SGCZ: variants seen among roughly 807,000 people sequenced by gnomAD.
SGCZ encodes the protein sarcoglycan zeta.
Under a neutral mutation model 41.3 loss-of-function variants are expected in SGCZ, and 40 were observed. The observed-to-expected ratio is 0.97, with a 90% CI of 0.75 to 1.26. The LOEUF (loss-of-function observed/expected upper bound fraction) is 1.26. SGCZ is among the 50% of genes most tolerant of loss of function. The probability of loss-of-function intolerance (pLI) is 0.00; values close to 1 mark genes in which losing one functional copy is unlikely to be tolerated. For synonymous variants in SGCZ, 206 were observed against 137.5 expected, an observed-to-expected ratio of 1.50 and a Z score of -3.49; for missense variants, 552 against 369.8, an observed-to-expected ratio of 1.49 and a Z score of -4.04.
intron 3 of SGCZ, among the ~76,000 whole-genome samples, chr8:14,256,342 T>A (rs1444795676): frequency 2.0e-5 from 3 of 151,986 alleles, no homozygotes; most frequent in Non-Finnish European, 4.4e-5. Context: ...TGTCTCTTCC[T>A]CAGAAAAAGT....
chr8:14,386,192 T>A (rs2117204664), intron 2 of SGCZ, among the ~76,000 whole-genome samples: 1 of 152,030 alleles, frequency 6.6e-6, no homozygotes, highest in South Asian at 2.1e-4. Flanking sequence ...GAACATGGAG[T>A]CAAATCAACA....
At chr8:15,123,920 G>A (rs1350394817) in intron 1 of SGCZ, among the ~76,000 whole-genome samples, 7 of 151,638 alleles carry the variant, frequency 4.6e-5, no homozygotes. Flanking sequence ...AGTGCTGAAG[G>A]TAGTCTACAA....
At chr8:15,090,033 T>G (rs564939198) in intron 1 of SGCZ, among the ~76,000 whole-genome samples, 1 of 152,342 alleles carries the variant, frequency 6.6e-6, no homozygotes, top group Non-Finnish European at 1.5e-5. Context: ...TGTTTGAAAC[T>G]TTTGATATTA....
chr8:14,248,596 A>G (rs1415080838), intron 3 of SGCZ, among the ~76,000 whole-genome samples: 1 of 152,188 alleles, frequency 6.6e-6, no homozygotes, highest in African/African-American at 2.4e-5. Context: ...TAAGAAATTA[A>G]TCTTTATCAA....
At chr8:14,826,704 A>G (rs1471859979) in intron 1 of SGCZ, among the ~76,000 whole-genome samples, 7 of 152,150 alleles carry the variant, frequency 4.6e-5, no homozygotes, top group Admixed American at 1.3e-4. Flanking sequence ...GCATTTTTTC[A>G]TGTGTCTTTT....
At chr8:14,378,687 A>G (rs939350586) in intron 2 of SGCZ, among the ~76,000 whole-genome samples, 1 of 152,200 alleles carries the variant, frequency 6.6e-6, no homozygotes, top group African/African-American at 2.4e-5. Context: ...TGCGATTGGC[A>G]TCTGCAGTAG....
chr8:14,382,603 G>A (rs1804408953), intron 2 of SGCZ, among the ~76,000 whole-genome samples: 1 of 152,080 alleles, frequency 6.6e-6, no homozygotes, highest in Non-Finnish European at 1.5e-5. Flanking sequence ...TCATTATTGG[G>A]GACGTTCGAG....
At chr8:15,021,628 A>G (rs1236960696) in intron 1 of SGCZ, among the ~76,000 whole-genome samples, 3 of 152,142 alleles carry the variant, frequency 2.0e-5, no homozygotes, top group Admixed American at 6.5e-5. Context: ...GGAGAACACT[A>G]CTCACCCTGC....
chr8:14,117,442 G>GTGTC (rs56855331), intron 5 of SGCZ, among the ~76,000 whole-genome samples: 66 of 145,626 alleles, frequency 4.5e-4, no homozygotes, highest in African/African-American at 1.6e-3. Flanking sequence ...GTGTGTGTGT[G>GTGTC]AATGCAGAGT....
chr8:14,847,110 A>G (rs1368218708), intron 1 of SGCZ, among the ~76,000 whole-genome samples: 1 of 142,250 alleles, frequency 7.0e-6, no homozygotes, highest in Non-Finnish European at 1.5e-5. Flanking sequence ...AAGAAAGAAG[A>G]AAGAAGAAGA....
intron 5 of SGCZ, among the ~76,000 whole-genome samples, chr8:14,160,770 C>G (rs1804020254): frequency 1.3e-5 from 2 of 152,022 alleles, no homozygotes; most frequent in African/African-American, 4.8e-5. Flanking sequence ...AGGTAAATTC[C>G]TGCTGCTTTG....
chr8:14,128,587 A>G (rs1012172134), intron 5 of SGCZ, among the ~76,000 whole-genome samples: 3 of 152,184 alleles, frequency 2.0e-5, no homozygotes, highest in Non-Finnish European at 4.4e-5. Context: ...TTTATCAAAA[A>G]TACTTGTAAC....
chr8:14,548,477 G>C (rs1484994519), intron 2 of SGCZ, among the ~76,000 whole-genome samples: 1 of 152,010 alleles, frequency 6.6e-6, no homozygotes, highest in Non-Finnish European at 1.5e-5. Context: ...TTTAGTTGTG[G>C]GTTTTTGAGA....
intron 1 of SGCZ, among the ~76,000 whole-genome samples, chr8:14,638,800 A>T (rs778933209): frequency 2.0e-5 from 3 of 151,802 alleles, no homozygotes; most frequent in Non-Finnish European, 4.4e-5. Flanking sequence ...CCTCAGGTGC[A>T]CTACATTTTA....
intron 3 of SGCZ, among the ~76,000 whole-genome samples, chr8:14,320,769 G>A (rs1488739166): frequency 6.6e-6 from 1 of 152,052 alleles, no homozygotes; most frequent in Non-Finnish European, 1.5e-5. Flanking sequence ...AGTCTGTCAT[G>A]TAGGAAGCTG....
intron 1 of SGCZ, among the ~76,000 whole-genome samples, chr8:14,941,246 G>T (rs972199627): frequency 6.6e-6 from 1 of 152,000 alleles, no homozygotes; most frequent in African/African-American, 2.4e-5. Flanking sequence ...ATACCATTTA[G>T]GGGGAACTAT....
chr8:14,778,109 G>C (rs1372624356), intron 1 of SGCZ, among the ~76,000 whole-genome samples: 1 of 151,496 alleles, frequency 6.6e-6, no homozygotes. Flanking sequence ...TTTTGTTTTT[G>C]TAAAGATGAG....
chr8:14,471,527 G>C (rs776554043), intron 2 of SGCZ, among the ~76,000 whole-genome samples: 1 of 152,024 alleles, frequency 6.6e-6, no homozygotes, highest in Non-Finnish European at 1.5e-5. Context: ...GAGTTTCTCA[G>C]TGGAGACTGT....
chr8:14,900,335 A>G (rs1390928689), intron 1 of SGCZ, among the ~76,000 whole-genome samples: 4 of 152,140 alleles, frequency 2.6e-5, no homozygotes, highest in African/African-American at 7.2e-5. Flanking sequence ...TAAACCCCCA[A>G]CGGCTCTAGA....
Sources: gnomAD v4.1 joint callset for allele counts (sites outside exome capture counted in the v4.1 genomes callset) on GRCh38, gnomAD v4.1.1 for gene constraint, MANE v1.5 for transcripts, NCBI Gene and HGNC (gene_info 2026-07-23, HGNC 2026-07-21) for gene names.